Variants in GRM8 observed in about 807,000 individuals in gnomAD.
GRM8 encodes metabotropic glutamate receptor 8.
In GRM8, 47 loss-of-function variants were observed where a neutral mutation model predicts 87.2. The ratio of observed to expected loss-of-function variants is 0.54; its 90% CI spans 0.43 to 0.69. The LOEUF is 0.69. GRM8 is among the 30% of genes least tolerant of loss of function. The pLI, the probability that GRM8 is intolerant of heterozygous loss-of-function variation, is 0.00. For missense variants in GRM8, 1,019 were observed against 1,139.2 expected (o/e 0.89, Z 1.52); for synonymous variants, 396 against 404.5 (o/e 0.98, Z 0.25).
At chr7:126,593,796 CA>C (rs1453249139) in intron 8 of GRM8, among the ~76,000 whole-genome samples, 2 of 151,912 alleles carry the variant, frequency 1.3e-5, no homozygotes, top group Non-Finnish European at 2.9e-5. Flanking sequence ...AAACAATCAA[CA>C]AGAGTGAAGA....
intron 9 of GRM8, among the ~76,000 whole-genome samples, chr7:126,468,170 C>A (rs1487571479): frequency 1.3e-5 from 2 of 152,018 alleles, no homozygotes; most frequent in Admixed American, 1.3e-4. Flanking sequence ...AATATCTGCC[C>A]TTATTGCTTG....
At chr7:126,798,164 CA>C (rs969796525) in intron 6 of GRM8, among the ~76,000 whole-genome samples, 17 of 114,422 alleles carry the variant, frequency 1.5e-4, no homozygotes, top group Admixed American at 4.9e-4. Flanking sequence ...TACCTTAGAG[CA>C]TTTTTTTTTT....
intron 9 of GRM8, among the ~76,000 whole-genome samples, chr7:126,525,530 T>C (rs2150814707): frequency 6.6e-6 from 1 of 152,334 alleles, no homozygotes; most frequent in East Asian, 1.9e-4. Context: ...ATTTCCCTAA[T>C]GGTCACTCTG....
At chr7:126,857,326 A>G (rs1272326275) in intron 6 of GRM8, among the ~76,000 whole-genome samples, 1 of 152,080 alleles carries the variant, frequency 6.6e-6, no homozygotes, top group African/African-American at 2.4e-5. Flanking sequence ...TTAAGCAACC[A>G]TTTTCCACTG....
chr7:126,564,622 A>T (rs1794034666), intron 8 of GRM8, among the ~76,000 whole-genome samples: 1 of 152,222 alleles, frequency 6.6e-6, no homozygotes, highest in Non-Finnish European at 1.5e-5. Flanking sequence ...GTGCAGGACC[A>T]GATGGCTTAA....
intron 8 of GRM8, among the ~76,000 whole-genome samples, chr7:126,556,640 C>T (rs751771380): frequency 6.6e-6 from 1 of 151,972 alleles, no homozygotes; most frequent in African/African-American, 2.4e-5. Flanking sequence ...GAGCAAGACT[C>T]CGTCTTGAAA....
At chr7:126,988,682 C>T (rs1812351899) in intron 3 of GRM8, among the ~76,000 whole-genome samples, 1 of 152,120 alleles carries the variant, frequency 6.6e-6, no homozygotes, top group South Asian at 2.1e-4. Context: ...TTAGTATGTA[C>T]AGTAAGGAAG....
intron 5 of GRM8, 89 bp downstream of exon 5, chr7:126,903,883 G>A: frequency 1.3e-6 from 1 of 749,100 alleles, no homozygotes; most frequent in Non-Finnish European, 2.2e-6. Context: ...TCAGTAATGA[G>A]TGCATTTCCT....
In GRM8 at chr7:127,201,525, C is replaced by T. The variant is rs200453060; in HGVS notation, c.510+41170G>A. ...TTTGGTGGTTGAAAGTCATGACAAA[C>T]TCAGTGATCTCATTAAAGGATCAAC... On this transcript the variant is annotated intron_variant, in intron 2 of 10. Transcript: ENST00000339582. Among the ~76,000 whole-genome samples the T allele has an allele frequency of 3.3e-5, 5 of 152,212 alleles. No individual in the cohort carries two copies. In the East Asian group the frequency reaches 9.6e-4, roughly 29 times the overall value.
chr7:127,107,599 A>G (rs957356440), intron 2 of GRM8, among the ~76,000 whole-genome samples: 2 of 152,320 alleles, frequency 1.3e-5, no homozygotes, highest in East Asian at 3.9e-4. Flanking sequence ...TGACTTGTAC[A>G]TGAAAAAATT....
At chr7:126,668,825 T>G (rs1806078659) in intron 7 of GRM8, among the ~76,000 whole-genome samples, 1 of 152,226 alleles carries the variant, frequency 6.6e-6, no homozygotes, top group Non-Finnish European at 1.5e-5. Context: ...GCAACTGGGT[T>G]TCCTTTTGCC....
At chr7:126,472,658 A>C (rs1805416023) in intron 9 of GRM8, among the ~76,000 whole-genome samples, 1 of 152,212 alleles carries the variant, frequency 6.6e-6, no homozygotes, top group African/African-American at 2.4e-5. Context: ...GTGAGTAATG[A>C]GAAGCCAAAT....
At chr7:127,126,982 A>G (rs1343224373) in intron 2 of GRM8, among the ~76,000 whole-genome samples, 1 of 152,044 alleles carries the variant, frequency 6.6e-6, no homozygotes, top group East Asian at 1.9e-4. Flanking sequence ...ATGCTAAATC[A>G]TATTACTCTT....
At chr7:126,901,414 A>G (rs1456737934) in intron 6 of GRM8, among the ~76,000 whole-genome samples, 1 of 152,130 alleles carries the variant, frequency 6.6e-6, no homozygotes, top group Non-Finnish European at 1.5e-5. Flanking sequence ...TTTATTATGG[A>G]GTGTCCATCT....
chr7:127,167,085 A>G (rs1295456595), intron 2 of GRM8, among the ~76,000 whole-genome samples: 5 of 152,194 alleles, frequency 3.3e-5, no homozygotes, highest in Non-Finnish European at 1.5e-5. Flanking sequence ...TAGAAGGTTT[A>G]GAGTCTGGCT....
intron 2 of GRM8, among the ~76,000 whole-genome samples, chr7:127,107,075 T>C (rs928020053): frequency 6.6e-6 from 1 of 152,196 alleles, no homozygotes; most frequent in African/African-American, 2.4e-5. Context: ...AATGAAGGCA[T>C]ATACATCAGA....
At chr7:127,219,119 T>A (rs1796757298) in intron 2 of GRM8, among the ~76,000 whole-genome samples, 1 of 151,034 alleles carries the variant, frequency 6.6e-6, no homozygotes, top group Non-Finnish European at 1.5e-5. Context: ...CTGCTCTTTA[T>A]GGCCTGCTTT....
intron 2 of GRM8, among the ~76,000 whole-genome samples, chr7:127,201,463 T>C (rs984746744): frequency 6.6e-6 from 1 of 152,218 alleles, no homozygotes; most frequent in Non-Finnish European, 1.5e-5. Context: ...CTAACAAGTC[T>C]TTAACTTTGT....
intron 9 of GRM8, among the ~76,000 whole-genome samples, chr7:126,472,331 G>C (rs1334937089): frequency 2.6e-5 from 4 of 152,104 alleles, no homozygotes; most frequent in Non-Finnish European, 5.9e-5. Flanking sequence ...GTTTGTCATA[G>C]ATAGCTCTTA....
Sources: gnomAD v4.1 joint callset for allele counts (sites outside exome capture counted in the v4.1 genomes callset) on GRCh38, gnomAD v4.1.1 for gene constraint, MANE v1.5 for transcripts, NCBI Gene and HGNC (gene_info 2026-07-23, HGNC 2026-07-21) for gene names.